Variants in CAPN7 observed in about 807,000 individuals in gnomAD.
CAPN7 encodes the protein calpain-7.
CAPN7 carries 72 observed loss-of-function variants against 115.2 expected under a neutral mutation model. The observed-to-expected ratio is 0.63, with a 90% CI of 0.52 to 0.76. The LOEUF (loss-of-function observed/expected upper bound fraction) is 0.76. CAPN7 is among the 30% of genes least tolerant of loss of function. The probability of loss-of-function intolerance (pLI) is 0.00; values close to 1 mark genes in which losing one functional copy is unlikely to be tolerated. For synonymous variants in CAPN7, 344 were observed against 322.3 expected (o/e 1.07, Z -0.72); for missense variants, 905 against 971.5 (o/e 0.93, Z 0.91).
chr3:15,212,108 C>G lies in CAPN7; in HGVS notation c.107C>G (p.Ala36Gly), dbSNP rs1211462604. 1 of 1,589,344 alleles carries G rather than the reference C, an allele frequency of 6.3e-7. No individual in the cohort carries two copies. The highest frequency in any genetic ancestry group is 1.2e-5 in the South Asian group (1 of 86,442). Residue 36 changes from alanine to glycine, a missense_variant, in exon 2 of 21, where the codon GCT (alanine) becomes GGT (glycine). Around this residue, in one of 3 missense-constraint regions of CAPN7, gnomAD observed 271 missense variants for 239.6 expected, o/e 1.13. Transcript: ENST00000253693. ...TTTGAATTCTTTCATTTTTAGGAAG[C>G]TGCACAAGCCTTAATTTATGCTGAG... The part of the protein sequence containing the change: ...YSEAVFYYKE[A>G]AQALIYAEMA...
chr3:15,207,271 GGTACA>G (rs1181484821), intron 1 of CAPN7, among the ~76,000 whole-genome samples: 1 of 151,980 alleles, frequency 6.6e-6, no homozygotes, highest in African/African-American at 2.4e-5. Context: ...ACATAGAAAA[GGTACA>G]GTAAACATGC....
chr3:15,251,229 T>C lies in CAPN7; in HGVS notation c.2411T>C (p.Ile804Thr). The C allele has an allele frequency of 1.2e-6, 2 of 1,604,826 alleles. No individual in the cohort carries two copies. Among genetic ancestry groups the C allele is most frequent in the Non-Finnish European group, 1.7e-6 (2 of 1,177,394 alleles). The change falls in exon 21 of 21, where the codon ATT (isoleucine) becomes ACT (threonine). Residue 804 changes from isoleucine (I) to threonine (T), a missense_variant. This residue lies in a region of CAPN7 where 620 missense variants were observed against 703.4 expected (regional missense o/e 0.88). Coordinates refer to ENST00000253693, the MANE Select transcript of CAPN7 (RefSeq NM_014296.3). ...EGPFFLDFNSIIPIKITQLQ is the reference protein window; with the variant it reads ...EGPFFLDFNSTIPIKITQLQ ...CCTTTTTTCTTGGACTTTAATAGTA[T>C]TATCCCCATCAAGATCACACAACTT...
intron 16 of CAPN7, 128 bp downstream of exon 16, chr3:15,242,381 A>C: frequency 1.7e-6 from 1 of 601,076 alleles, no homozygotes. Flanking sequence ...GACTAATAGA[A>C]ACCACTCAAG....
chr3:15,225,377 T>C (rs1266573559), intron 6 of CAPN7, among the ~76,000 whole-genome samples: 1 of 152,242 alleles, frequency 6.6e-6, no homozygotes, highest in Non-Finnish European at 1.5e-5. Flanking sequence ...GTTATTCTGG[T>C]ATTTTCTTGA....
chr3:15,214,133 G>A (rs2045109994), intron 2 of CAPN7, among the ~76,000 whole-genome samples: 1 of 152,090 alleles, frequency 6.6e-6, no homozygotes, highest in South Asian at 2.1e-4. Context: ...ACCCGCCTCG[G>A]CCTCCCAAAG....
chr3:15,210,953 T>G (rs1244599232), intron 1 of CAPN7: 1 of 1,147,782 alleles, frequency 8.7e-7, no homozygotes, highest in Non-Finnish European at 1.1e-6. Context: ...CTGTCTTTGC[T>G]TTTCTAGGTG....
chr3:15,217,186 T>A (rs1201641166), intron 2 of CAPN7, among the ~76,000 whole-genome samples: 2 of 151,424 alleles, frequency 1.3e-5, no homozygotes, highest in Non-Finnish European at 2.9e-5. Context: ...AGGTAGAGGC[T>A]GCAGTCAGCT....
chr3:15,229,570 T>TC (rs1694552169), intron 8 of CAPN7, among the ~76,000 whole-genome samples: 1 of 84,272 alleles, frequency 1.2e-5, no homozygotes, highest in East Asian at 2.3e-4. Context: ...TCTTTTTTTT[T>TC]TTTTTTTTTT....
chr3:15,232,791 C>A (rs1694770312), intron 10 of CAPN7, 126 bp downstream of exon 10: 1 of 708,004 alleles, frequency 1.4e-6, no homozygotes, highest in Non-Finnish European at 2.2e-6. Flanking sequence ...ACCCCTGAAA[C>A]AGGATGACCA....
chr3:15,235,895 T>G (rs1694964420), intron 12 of CAPN7, among the ~76,000 whole-genome samples: 1 of 152,050 alleles, frequency 6.6e-6, no homozygotes, highest in South Asian at 2.1e-4. Context: ...TGGCTCACAT[T>G]TATAATCCCG....
chr3:15,222,485 C>A (rs1694060761), intron 5 of CAPN7, among the ~76,000 whole-genome samples: 2 of 152,148 alleles, frequency 1.3e-5, no homozygotes, highest in Non-Finnish European at 2.9e-5. Context: ...AGGGCTTCTG[C>A]CTAGGTAGCA....
At chr3:15,230,671 C>G (rs1275271006) in intron 9 of CAPN7, 136 bp downstream of exon 9, 2 of 536,836 alleles carry the variant, frequency 3.7e-6, no homozygotes, top group East Asian at 5.5e-5. Context: ...TATATTACTA[C>G]CAGTAGCATC....
chr3:15,247,264 T>C (rs979236413), intron 18 of CAPN7, 63 bp from the exon 19 acceptor site: 2 of 1,138,118 alleles, frequency 1.8e-6, no homozygotes, highest in Non-Finnish European at 2.3e-6. Context: ...TGGAAAGGAG[T>C]TTTGTCTTTA....
chr3:15,228,861 T>C, intron 7 of CAPN7, 113 bp from the exon 8 acceptor site: 1 of 760,864 alleles, frequency 1.3e-6, no homozygotes, highest in Non-Finnish European at 2.2e-6. Context: ...AATAGAAGTT[T>C]TAAGAAAAGA....
intron 11 of CAPN7, 132 bp from the exon 12 acceptor site, chr3:15,234,893 T>A: frequency 1.7e-6 from 1 of 600,390 alleles, no homozygotes; most frequent in Non-Finnish European, 2.7e-6. Flanking sequence ...GAAATGTACT[T>A]CTTTTTGAAA....
At position 15,233,808 on chromosome 3, in the gene CAPN7, C is replaced by T. The variant is rs558267859; in HGVS notation, c.1180-59C>T. ...AAATCAGTGAGATGTAATAGCTGCTCTGGGGATTTAAGAACTTGAAAATGA... is the reference window on the plus strand; with the variant it reads ...AAATCAGTGAGATGTAATAGCTGCTTTGGGGATTTAAGAACTTGAAAATGA... On this transcript the variant is annotated intron_variant, in intron 10 of 20. Coordinates refer to ENST00000253693, the MANE Select transcript of CAPN7 (RefSeq NM_014296.3). 3.0e-5 allele frequency: 26 copies of T among 878,420 alleles called. 1 individual carries two copies. The African/African-American group carries it at 4.0e-4, about 13-fold the overall frequency. 54.4% of individuals were successfully genotyped at this position (878,420 alleles called of 1,614,324 possible). A position where few individuals can be genotyped will look rare whatever the true frequency, so the allele number is the denominator to read the frequency against.
intron 6 of CAPN7, among the ~76,000 whole-genome samples, chr3:15,227,124 A>G (rs971187219): frequency 8.6e-5 from 13 of 151,944 alleles, no homozygotes; most frequent in Admixed American, 7.2e-4. Flanking sequence ...AAAAAAAAAA[A>G]AAAGTTTAGG....
intron 8 of CAPN7, 62 bp from the exon 9 acceptor site, chr3:15,230,380 T>C: frequency 9.5e-7 from 1 of 1,048,232 alleles, no homozygotes; most frequent in Non-Finnish European, 1.5e-6. Flanking sequence ...TGAAATGTGC[T>C]GTATAGTAGT....
In CAPN7 at chr3:15,252,413, T is replaced by TTG. The variant is rs1696041450; in HGVS notation, c.*1154_*1155insGT. The TTG allele has an allele frequency of 6.6e-6, 1 of 152,652 alleles. No individual in the cohort carries two copies. The highest frequency in any genetic ancestry group is 2.4e-5 in the African/African-American group (1 of 41,478). The allele number at this position is 152,652 out of a possible 1,614,324, so 9.5% of individuals were successfully genotyped here. On this transcript the variant is annotated 3_prime_UTR_variant, in exon 21 of 21. Coordinates refer to ENST00000253693, the MANE Select transcript of CAPN7 (RefSeq NM_014296.3). Reference sequence around the variant, plus strand: ...ATATACTTCAACAAAAATCTGTTCTTTAACAGAGTAGTGGTAGATTATTAC... The same window carrying TTG: ...ATATACTTCAACAAAAATCTGTTCTTTGTAACAGAGTAGTGGTAGATTATTAC...
Sources: allele counts gnomAD v4.1 joint callset (sites outside exome capture counted in the v4.1 genomes callset), GRCh38; gene constraint gnomAD v4.1.1; regional missense constraint gnomAD v4.1.1; transcripts MANE v1.5; gene names NCBI Gene and HGNC (gene_info 2026-07-23, HGNC 2026-07-21).